The following ZNF512B variants were observed in gnomAD, a reference collection of about 807,000 sequenced individuals.
ZNF512B encodes the protein zinc finger protein 512B.
A neutral mutation model predicts 87.8 loss-of-function variants in ZNF512B; 22 were observed. That is an observed-to-expected ratio of 0.25 (90% CI 0.18 to 0.36). The LOEUF is 0.36. Among genes scored for constraint, ZNF512B ranks in the 10% least tolerant of loss-of-function variants. ZNF512B has a pLI of 1.00. For synonymous variants in ZNF512B, 524 were observed against 490.9 expected, an observed-to-expected ratio of 1.07 and a Z score of -0.89; for missense variants, 1,060 against 1,231.6, an observed-to-expected ratio of 0.86 and a Z score of 2.09.
chr20:63,959,946 T>C lies in ZNF512B; in HGVS notation c.2621A>G (p.Lys874Arg). 1.2e-6 allele frequency: 2 copies of C among 1,610,360 alleles called. No homozygotes were observed. The highest frequency in any genetic ancestry group is 1.7e-6 in the Non-Finnish European group (2 of 1,179,586). Residue 874 changes from lysine to arginine, a missense_variant, in exon 17 of 17, where the codon AAG becomes AGG. Physicochemically the swap from Lys to Arg is conservative, Grantham distance 26. This residue lies in a region of ZNF512B where 253 missense variants were observed against 259.2 expected (regional missense o/e 0.98). Transcript: ENST00000369888. ...RDDWPPGCRD[K>R]GARGSTGRKV... ...CCGGCCGGTGGAGCCCCGGGCCCCCTTGTCTCTGCATCCTGGAGGCCAGTC... is the reference window on the plus strand; with the variant it reads ...CCGGCCGGTGGAGCCCCGGGCCCCCCTGTCTCTGCATCCTGGAGGCCAGTC...
At position 63,966,305 on chromosome 20, in the gene ZNF512B, G is replaced by C. The variant is rs371234182; in HGVS notation, c.870C>G (p.Val290=). ...GCCTGCTGACTGTCACTGGCTTGGT[G>C]ACCGGCACGGGTTTCGTAACTGTCA... The part of the protein sequence containing the change: ...KLVTVTKPVP[V]TKPVTVSRPI... The change falls in exon 5 of 17, where the codon GTC becomes GTG. Residue 290 remains valine, a synonymous_variant. Transcript: ENST00000369888. The C allele has an allele frequency of 2.5e-6, 4 of 1,594,310 alleles. No individual in the cohort carries two copies. In the African/African-American group the frequency reaches 5.4e-5, roughly 21 times the overall value.
chr20:63,964,116 T>G lies in ZNF512B; in HGVS notation c.1435A>C (p.Thr479Pro). ...ARKKVPAAPI[T>P]VSKEAPAPVA... ...GGGGCCGGTGCCTCCTTGCTGACAG[T>G]GATGGGGGCAGCTGGCACCTTCTTC... Residue 479 changes from threonine to proline, a missense_variant, in exon 8 of 17, where the codon ACT becomes CCT. Physicochemically the swap from Thr to Pro is conservative, Grantham distance 38. This residue lies in a region of ZNF512B where 212 missense variants were observed against 207.6 expected (regional missense o/e 1.02). Coordinates refer to ENST00000369888, the MANE Select transcript of ZNF512B (RefSeq NM_020713.3). 1 of 1,609,474 alleles carries G rather than the reference T, an allele frequency of 6.2e-7. No homozygotes were observed. The highest frequency in any genetic ancestry group is 8.5e-7 in the Non-Finnish European group (1 of 1,178,760).
chr20:63,966,505 C>A lies in ZNF512B; in HGVS notation c.670G>T (p.Val224Phe). Residue 224 changes from valine (V) to phenylalanine (F), a missense_variant, in exon 5 of 17, where the codon GTC becomes TTC. By Grantham distance (50) the Val-to-Phe change is conservative. Around this residue, in one of 9 missense-constraint regions of ZNF512B, gnomAD observed 201 missense variants for 226.8 expected, o/e 0.89. Transcript: ENST00000369888. ...KPVSVGRPMPVTKAIPVTRPV... is the reference protein window; with the variant it reads ...KPVSVGRPMPFTKAIPVTRPV... Reference sequence around the variant, plus strand: ...CTAGTGACCGGGATGGCCTTGGTGACTGGCATGGGTCTGCCGACCGAGACT... The same window carrying A: ...CTAGTGACCGGGATGGCCTTGGTGAATGGCATGGGTCTGCCGACCGAGACT... 1.9e-6 allele frequency: 3 copies of A among 1,614,086 alleles called. No individual in the cohort carries two copies. Among genetic ancestry groups the A allele is most frequent in the Non-Finnish European group, 2.5e-6 (3 of 1,180,036 alleles).
At chr20:63,962,468 C>T in intron 13 of ZNF512B, 94 bp from the exon 14 acceptor site, 1 of 1,555,254 alleles carries the variant, frequency 6.4e-7, no homozygotes, top group Admixed American at 1.9e-5. Context: ...ACACTCGCCG[C>T]AGATGGCGGG....
rs755271009 is a variant in ZNF512B, at chr20:63,963,873, G to A, written c.1521C>T (p.Arg507=). ...EEQWQRAIHE[R]GEAVCPTCNV... is the part of the protein sequence containing the mutation. ...TGCAGGTGGGGCAGACGGCTTCCCCGCGCTCATGGATGGCCCTCTGCCACT... is the reference window on the plus strand; with the variant it reads ...TGCAGGTGGGGCAGACGGCTTCCCCACGCTCATGGATGGCCCTCTGCCACT... Residue 507 remains arginine (R), a synonymous_variant, in exon 9 of 17, where the codon CGC becomes CGT. Transcript: ENST00000369888. 5.3e-5 allele frequency: 86 copies of A among 1,612,166 alleles called. No homozygotes were observed. The East Asian group carries it at 1.1e-3, about 21-fold the overall frequency.
Position 63,966,520 on chromosome 20 carries a change from C to T in ZNF512B, c.655G>A (p.Gly219Ser), listed in dbSNP as rs776560469. 15 of 1,613,928 alleles carry T rather than the reference C, an allele frequency of 9.3e-6. No homozygotes were observed. Among genetic ancestry groups the T allele is most frequent in the East Asian group, 6.7e-5 (3 of 44,882 alleles). The change falls in exon 5 of 17, where the codon GGC becomes AGC. Residue 219 changes from glycine (G) to serine (S), a missense_variant. Transcript: ENST00000369888. ...PIGISKPVSV[G>S]RPMPVTKAIP... ...GCCTTGGTGACTGGCATGGGTCTGC[C>T]GACCGAGACTGGCTTGCTGATGCCA...
chr20:63,967,491 G>T lies in ZNF512B; in HGVS notation c.154C>A (p.Pro52Thr). The T allele has an allele frequency of 6.2e-7, 1 of 1,610,730 alleles. No individual in the cohort carries two copies. The change falls in exon 3 of 17, where the codon CCC becomes ACC. Residue 52 changes from proline to threonine, a missense_variant. This residue lies in a region of ZNF512B where 134 missense variants were observed against 153.6 expected (regional missense o/e 0.87). Coordinates refer to ENST00000369888, the MANE Select transcript of ZNF512B (RefSeq NM_020713.3). ...MPVVRGGQTV[P>T]GQAPLCFDPG... ...TCAAAGCAGAGAGGGGCCTGGCCGG[G>T]CACTGTCTGTCCACCACGGACCACC...
Position 63,959,866 on chromosome 20 carries a change from G to A in ZNF512B, c.*22C>T, listed in dbSNP as rs953202468. 6.5e-7 allele frequency: 1 copy of A among 1,542,222 alleles called. No individual in the cohort carries two copies. Among genetic ancestry groups the A allele is most frequent in the African/African-American group, 1.4e-5 (1 of 72,798 alleles). ...GAGGGCGGTGTGGCGGCTGCATGGG[G>A]GCCAGGCCCCACGCACCATGCTCAC... is the stretch of plus-strand genomic sequence containing the variant. On this transcript the variant is annotated 3_prime_UTR_variant, in exon 17 of 17. Transcript: ENST00000369888.
chr20:63,969,509 G>T (rs2058959077), intron 1 of ZNF512B, among the ~76,000 whole-genome samples: 1 of 150,738 alleles, frequency 6.6e-6, no homozygotes, highest in African/African-American at 2.4e-5. Flanking sequence ...GGCCAGCCTC[G>T]CCACCCACCT....
At chr20:63,967,550 G>A (rs1485317705) in intron 2 of ZNF512B, 27 bp from the exon 3 acceptor site, 13 of 1,570,756 alleles carry the variant, frequency 8.3e-6, no homozygotes, top group South Asian at 1.1e-5. Flanking sequence ...AGCAAGGCTC[G>A]GAAGCTGTGT....
intron 12 of ZNF512B, 100 bp downstream of exon 12, chr20:63,962,995 T>C: frequency 7.1e-7 from 1 of 1,404,282 alleles, no homozygotes; most frequent in Non-Finnish European, 9.4e-7. Context: ...AACACACGCG[T>C]TGGGCGGTAC....
In ZNF512B at chr20:63,958,026, G is replaced by C. The variant is rs1004820956; in HGVS notation, c.*1862C>G. On this transcript the variant is annotated 3_prime_UTR_variant, in exon 17 of 17. Coordinates refer to ENST00000369888, the MANE Select transcript of ZNF512B (RefSeq NM_020713.3). ...TCAGGCCGAGGTGTGCGTGGGTGGG[G>C]GGAGTCCGGGTCTCCACACCCACTC... 1 of 152,228 alleles carries C rather than the reference G, an allele frequency of 6.6e-6. No individual in the cohort carries two copies. The highest frequency in any genetic ancestry group is 2.4e-5 in the African/African-American group (1 of 41,422). 9.4% of individuals were successfully genotyped at this position (152,228 alleles called of 1,614,324 possible). A position where few individuals can be genotyped will look rare whatever the true frequency, so the allele number is the denominator to read the frequency against.
chr20:63,966,816 C>A lies in ZNF512B; in HGVS notation c.394-35G>T, dbSNP rs753276268. ...GAAGGGAAGGTTTGGGACAGGGCCC[C>A]AAGGGCCTCTGCCCAAACACACCCC... On this transcript the variant is annotated intron_variant, in intron 4 of 16. Coordinates refer to ENST00000369888, the MANE Select transcript of ZNF512B (RefSeq NM_020713.3). 4 of 1,607,752 alleles carry A rather than the reference C, an allele frequency of 2.5e-6. No individual in the cohort carries two copies. The Admixed American group carries it at 5.0e-5, about 20-fold the overall frequency.
In ZNF512B at chr20:63,961,318, G is replaced by A; in HGVS notation, c.2418C>T (p.Thr806=). 10 of 1,612,388 alleles carry A rather than the reference G, an allele frequency of 6.2e-6. No individual in the cohort carries two copies. The South Asian group carries it at 7.7e-5, about 12-fold the overall frequency. ...ESGVKYHILK[T]HAENWFRTSA... The stretch of plus-strand genomic sequence containing the variant: ...GTGATGGCCCTCGCACCTCTGCGTG[G>A]GTCTTCAGGATGTGGTATTTGACGC... The change falls in exon 16 of 17, where the codon ACC becomes ACT. Residue 806 remains threonine, a synonymous_variant. Coordinates refer to ENST00000369888, the MANE Select transcript of ZNF512B (RefSeq NM_020713.3). The surrounding 1 kb of genome is among the most constrained non-coding windows in gnomAD (Gnocchi z 6.4).
chr20:63,966,284 G>A lies in ZNF512B; in HGVS notation c.891C>T (p.Ser297=), dbSNP rs931558517. The change falls in exon 5 of 17, where the codon AGC becomes AGT. Residue 297 remains serine (S), a synonymous_variant. Transcript: ENST00000369888. The part of the protein sequence containing the change: ...PVPVTKPVTV[S]RPIVVSKPVT... Reference sequence around the variant, plus strand: ...CCGGCTTGCTGACCACAATGGGCCTGCTGACTGTCACTGGCTTGGTGACCG... The same window carrying A: ...CCGGCTTGCTGACCACAATGGGCCTACTGACTGTCACTGGCTTGGTGACCG... The A allele has an allele frequency of 8.1e-6, 13 of 1,612,548 alleles. No individual in the cohort carries two copies. The highest frequency in any genetic ancestry group is 3.3e-4 in the Middle Eastern group (2 of 6,084).
rs375420745 is a variant in ZNF512B at position 63,962,738 on chromosome 20, G to A, written c.2012C>T (p.Pro671Leu). ...PTDKSPEAED[P>L]LGVERTPSGR... ...GCTTGGGGTCCGCTCCACACCCAGC[G>A]GGTCCTCAGCCTCAGGGGACTTGTC... is the stretch of plus-strand genomic sequence containing the variant. The change falls in exon 13 of 17, where the codon CCG becomes CTG. Residue 671 changes from proline (P) to leucine (L), a missense_variant. By Grantham distance (98) the Pro-to-Leu change is moderately conservative (BLOSUM62 -3). Around this residue, in one of 9 missense-constraint regions of ZNF512B, gnomAD observed 165 missense variants for 173.0 expected, o/e 0.95. Transcript: ENST00000369888. 28 of 1,603,368 alleles carry A rather than the reference G, an allele frequency of 1.7e-5. No homozygotes were observed. The highest frequency in any genetic ancestry group is 2.2e-5 in the East Asian group (1 of 44,564).
rs143997740 is a variant in ZNF512B at position 63,966,990 on chromosome 20, G to A, written c.279C>T (p.Asn93=). Residue 93 remains asparagine (N), a synonymous_variant, in exon 4 of 17, where the codon AAC becomes AAT. Transcript: ENST00000369888. ...GTGCCTTGAACTCATCCTTCCAGTC[G>A]TTCATCAGGGAGAGCTAGGCGTGGG... The part of the protein sequence containing the change: ...ALRDIPLSLM[N]DWKDEFKAHS... 103 of 1,613,548 alleles carry A rather than the reference G, an allele frequency of 6.4e-5. No individual in the cohort carries two copies. The highest frequency in any genetic ancestry group is 7.4e-5 in the Non-Finnish European group (87 of 1,180,014).
rs140814572 is a variant in ZNF512B, at chr20:63,959,938, G to A, written c.2629C>T (p.Arg877Trp). ...WPPGCRDKGA[R>W]GSTGRKVGVS... ...CCCACCTTCCGGCCGGTGGAGCCCCGGGCCCCCTTGTCTCTGCATCCTGGA... is the reference window on the plus strand; with the variant it reads ...CCCACCTTCCGGCCGGTGGAGCCCCAGGCCCCCTTGTCTCTGCATCCTGGA... The change falls in exon 17 of 17, where the codon CGG becomes TGG. Residue 877 changes from arginine (R) to tryptophan (W), a missense_variant. By Grantham distance (101) the Arg-to-Trp change is moderately radical (BLOSUM62 -3). Transcript: ENST00000369888. The A allele has an allele frequency of 2.0e-5, 32 of 1,607,904 alleles. No homozygotes were observed. The highest frequency in any genetic ancestry group is 1.5e-4 in the African/African-American group (11 of 74,710).
intron 6 of ZNF512B, 49 bp downstream of exon 6, chr20:63,964,441 C>T: frequency 6.2e-7 from 1 of 1,613,652 alleles, no homozygotes; most frequent in Middle Eastern, 1.6e-4. Flanking sequence ...AAATAACCGT[C>T]AGGAGGCCGA....
Sources: allele counts gnomAD v4.1 joint callset (sites outside exome capture counted in the v4.1 genomes callset), GRCh38; gene constraint gnomAD v4.1.1; regional missense constraint gnomAD v4.1.1; non-coding constraint Gnocchi (gnomAD v3.1); transcripts MANE v1.5; gene names NCBI Gene and HGNC (gene_info 2026-07-23, HGNC 2026-07-21).